ELAPOR1: variants seen among roughly 807,000 people sequenced by gnomAD.
ELAPOR1 encodes endosome-lysosome associated apoptosis and autophagy regulator 1.
A neutral mutation model predicts 119.7 loss-of-function variants in ELAPOR1; 77 were observed. That is an observed-to-expected ratio of 0.64 (90% CI 0.54 to 0.78). ELAPOR1 has a LOEUF of 0.78. ELAPOR1 is among the 30% of genes least tolerant of loss of function. ELAPOR1 has a pLI of 0.00. For missense variants in ELAPOR1, 1,115 were observed against 1,270.4 expected (o/e 0.88, Z 1.86); for synonymous variants, 481 against 487.2 (o/e 0.99, Z 0.17).
chr1:109,163,021 A>G (rs1026763650), intron 2 of ELAPOR1, among the ~76,000 whole-genome samples: 2 of 152,270 alleles, frequency 1.3e-5, no homozygotes, highest in Non-Finnish European at 2.9e-5. Context: ...AGTCTGTGCC[A>G]GTCACTGAGC....
At position 109,195,700 on chromosome 1, in the gene ELAPOR1, A is replaced by G. The variant is rs935642603; in HGVS notation, c.2121+1106A>G. On this transcript the variant is annotated intron_variant, in intron 15 of 21. Transcript: ENST00000369939. Reference sequence around the variant, plus strand: ...TGCTGACAGTATGAAAGAAAGTAACATGAAATGCTTTATAAGGAAAGATTG... The same window carrying G: ...TGCTGACAGTATGAAAGAAAGTAACGTGAAATGCTTTATAAGGAAAGATTG... Among the ~76,000 whole-genome samples the G allele has an allele frequency of 2.6e-5, 4 of 152,256 alleles. No homozygotes were observed. The East Asian group carries it at 7.7e-4, about 29-fold the overall frequency.
intron 1 of ELAPOR1, among the ~76,000 whole-genome samples, chr1:109,157,019 G>T (rs1650920288): frequency 6.6e-6 from 1 of 152,192 alleles, no homozygotes; most frequent in African/African-American, 2.4e-5. Flanking sequence ...CTCCAACAAG[G>T]TACAAAATGC....
intron 7 of ELAPOR1, among the ~76,000 whole-genome samples, chr1:109,178,550 G>C (rs1379619663): frequency 6.6e-6 from 1 of 152,216 alleles, no homozygotes; most frequent in Non-Finnish European, 1.5e-5. Context: ...GGACTAGCTT[G>C]GTGCTAGGGT....
chr1:109,165,584 TAAAAAAAA>T (rs1161516161), intron 3 of ELAPOR1, among the ~76,000 whole-genome samples: 3 of 115,946 alleles, frequency 2.6e-5, no homozygotes, highest in African/African-American at 9.4e-5. Context: ...AACTCCGTCT[TAAAAAAAA>T]AAAAAAAAGA....
intron 2 of ELAPOR1, among the ~76,000 whole-genome samples, chr1:109,163,899 T>A (rs552323650): frequency 2.0e-4 from 31 of 151,910 alleles, no homozygotes; most frequent in African/African-American, 7.2e-4. Context: ...TTCAGAGGGG[T>A]CAGCACAAGA....
intron 1 of ELAPOR1, among the ~76,000 whole-genome samples, chr1:109,142,507 G>A (rs1414758914): frequency 2.0e-5 from 3 of 152,230 alleles, no homozygotes; most frequent in Non-Finnish European, 4.4e-5. Flanking sequence ...GCTGGGAAGA[G>A]GTGAGCACAG....
intron 14 of ELAPOR1, among the ~76,000 whole-genome samples, chr1:109,193,739 G>A (rs965582183): frequency 6.6e-6 from 1 of 152,048 alleles, no homozygotes; most frequent in African/African-American, 2.4e-5. Flanking sequence ...CTCTGCAAAC[G>A]TTGCCTAGTT....
chr1:109,185,894 T>G (rs1483165794), intron 8 of ELAPOR1, among the ~76,000 whole-genome samples: 2 of 152,128 alleles, frequency 1.3e-5, no homozygotes, highest in Non-Finnish European at 2.9e-5. Context: ...TCAACAAATA[T>G]TTATCGAGGA....
At chr1:109,189,296 CT>C in intron 10 of ELAPOR1, 102 bp downstream of exon 10, 1 of 1,407,894 alleles carries the variant, frequency 7.1e-7, no homozygotes, top group East Asian at 2.5e-5. Context: ...GAAAAATAAG[CT>C]AACCATGTCA....
intron 5 of ELAPOR1, 106 bp from the exon 6 acceptor site, chr1:109,173,368 A>G: frequency 1.1e-6 from 1 of 884,986 alleles, no homozygotes; most frequent in Non-Finnish European, 1.8e-6. Flanking sequence ...CAGAAGAAGC[A>G]TTACCATGCA....
At chr1:109,170,143 T>C (rs1651837992) in intron 3 of ELAPOR1, among the ~76,000 whole-genome samples, 1 of 152,222 alleles carries the variant, frequency 6.6e-6, no homozygotes, top group African/African-American at 2.4e-5. Context: ...AGCACTACCA[T>C]ACAGTATGTT....
At chr1:109,192,107 T>C (rs886599871) in intron 13 of ELAPOR1, among the ~76,000 whole-genome samples, 10 of 152,240 alleles carry the variant, frequency 6.6e-5, no homozygotes, top group African/African-American at 2.4e-4. Flanking sequence ...CCCTGATACA[T>C]GTGTTACCAG....
At chr1:109,142,113 A>G (rs1291540068) in intron 1 of ELAPOR1, among the ~76,000 whole-genome samples, 1 of 152,204 alleles carries the variant, frequency 6.6e-6, no homozygotes, top group Non-Finnish European at 1.5e-5. Context: ...TCTGGGAATC[A>G]TAAGGACATA....
chr1:109,200,583 C>G (rs1245718680), intron 20 of ELAPOR1, 152 bp from the exon 21 acceptor site: 1 of 704,274 alleles, frequency 1.4e-6, no homozygotes, highest in Non-Finnish European at 2.3e-6. Flanking sequence ...AAGATTCCTT[C>G]TATTACCCCA....
intron 21 of ELAPOR1, chr1:109,201,455 T>C (rs746090869): frequency 3.5e-5 from 15 of 431,986 alleles, no homozygotes; most frequent in Non-Finnish European, 5.6e-5. Context: ...CAGACAATAC[T>C]GTCACTGGGT....
chr1:109,200,708 T>G (rs1413760601), intron 20 of ELAPOR1, 27 bp from the exon 21 acceptor site: 2 of 1,606,756 alleles, frequency 1.2e-6, no homozygotes, highest in African/African-American at 2.7e-5. Flanking sequence ...TTTGGGATCT[T>G]GTCTTTCCCA....
intron 12 of ELAPOR1, 120 bp from the exon 13 acceptor site, chr1:109,191,606 G>C: frequency 6.9e-7 from 1 of 1,439,474 alleles, no homozygotes. Flanking sequence ...CTGACCAGCA[G>C]GGACTTCACA....
At chr1:109,138,834 C>CAAAAAAAAAA (rs150398954) in intron 1 of ELAPOR1, among the ~76,000 whole-genome samples, 21 of 107,278 alleles carry the variant, frequency 2.0e-4, no homozygotes, top group African/African-American at 2.6e-4. Context: ...AACTCCATCT[C>CAAAAAAAAAA]AAAAAAAAAA....
intron 1 of ELAPOR1, among the ~76,000 whole-genome samples, chr1:109,144,061 A>ATATATATATATATATATTTTTTT: frequency 1.1e-5 from 1 of 88,992 alleles, no homozygotes; most frequent in African/African-American, 4.8e-5. Flanking sequence ...ATATTTATAT[A>ATATATATATATATATATTTTTTT]TTTTTTTTTT....
Sources: allele counts gnomAD v4.1 joint callset (sites outside exome capture counted in the v4.1 genomes callset), GRCh38; gene constraint gnomAD v4.1.1; transcripts MANE v1.5; gene names NCBI Gene and HGNC (gene_info 2026-07-23, HGNC 2026-07-21).